CACNB2: variants seen among roughly 807,000 people sequenced by gnomAD.
The protein encoded by CACNB2 is calcium voltage-gated channel auxiliary subunit beta 2.
CACNB2 carries 42 observed loss-of-function variants against 73.3 expected under a neutral mutation model. The ratio of observed to expected loss-of-function variants is 0.57; its 90% CI spans 0.45 to 0.74. The LOEUF is 0.74. CACNB2 is among the 30% of genes least tolerant of loss of function. The probability of loss-of-function intolerance (pLI) is 0.00; values close to 1 mark genes in which losing one functional copy is unlikely to be tolerated. For missense variants in CACNB2, 940 were observed against 853.0 expected (o/e 1.10, Z -1.27); for synonymous variants, 348 against 310.3 (o/e 1.12, Z -1.28).
chr10:18,504,698 G>A lies in CACNB2; in HGVS notation c.594-1773G>A, dbSNP rs551767502. Reference sequence around the variant, plus strand: ...CTCGCTCTGTCACCCAGGCTGGAGTGCAGTGGCGCAGTCTCGACTCACTGC... The same window carrying A: ...CTCGCTCTGTCACCCAGGCTGGAGTACAGTGGCGCAGTCTCGACTCACTGC... On this transcript the variant is annotated intron_variant, in intron 5 of 13. Transcript: ENST00000324631. 4.6e-5 allele frequency among the ~76,000 whole-genome samples: 7 copies of A among 151,818 alleles called. No homozygotes were observed. In the South Asian group the frequency reaches 1.5e-3, roughly 31 times the overall value.
chr10:18,184,162 C>T (rs1435729840), intron 2 of CACNB2, among the ~76,000 whole-genome samples: 1 of 152,100 alleles, frequency 6.6e-6, no homozygotes, highest in Non-Finnish European at 1.5e-5. Context: ...AATGCCAGAC[C>T]TATGGTAGAT....
In CACNB2 at chr10:18,442,997, T is replaced by TAC. The variant is rs2046534669; in HGVS notation, c.333+40954_333+40955insAC. ...GTATATATATATATGTATATATATATGTGTATATATATATATGTATATATA... is the reference window on the plus strand; with the variant it reads ...GTATATATATATATGTATATATATATACGTGTATATATATATATGTATATATA... On this transcript the variant is annotated intron_variant, in intron 3 of 13. Transcript: ENST00000324631. Among the ~76,000 whole-genome samples, 13 of 11,748 alleles carry TAC rather than the reference T, an allele frequency of 1.1e-3. 1 individual carries two copies. Among genetic ancestry groups the TAC allele is most frequent in the Non-Finnish European group, 1.6e-3 (11 of 6,808 alleles). 7.7% of individuals were successfully genotyped at this position (11,748 alleles called of 152,430 possible).
chr10:18,204,692 T>A (rs893006567), intron 2 of CACNB2, among the ~76,000 whole-genome samples: 73 of 152,336 alleles, frequency 4.8e-4, no homozygotes, highest in African/African-American at 1.8e-3. Context: ...TGTGTTAAGC[T>A]CTGCGAGGGC....
chr10:18,228,455 A>AAAAG (rs2036099681), intron 2 of CACNB2, among the ~76,000 whole-genome samples: 1 of 150,016 alleles, frequency 6.7e-6, no homozygotes, highest in African/African-American at 2.5e-5. Flanking sequence ...AAAAAGAAAA[A>AAAAG]AAAAAAGAAA....
chr10:18,307,910 T>C (rs967497363), intron 2 of CACNB2, among the ~76,000 whole-genome samples: 2 of 151,626 alleles, frequency 1.3e-5, no homozygotes, highest in South Asian at 2.1e-4. Flanking sequence ...GCGAGTAGCA[T>C]GTGTGTATTA....
chr10:18,269,517 A>C (rs1429610919), intron 2 of CACNB2, among the ~76,000 whole-genome samples: 1 of 152,260 alleles, frequency 6.6e-6, no homozygotes, highest in Non-Finnish European at 1.5e-5. Context: ...AGGAATGCTC[A>C]AAAGAAAGAA....
chr10:18,215,202 T>G (rs888349583), intron 2 of CACNB2, among the ~76,000 whole-genome samples: 9 of 152,294 alleles, frequency 5.9e-5, no homozygotes, highest in African/African-American at 2.2e-4. Context: ...GAAGACAGTG[T>G]GTTTATTTCA....
intron 2 of CACNB2, among the ~76,000 whole-genome samples, chr10:18,382,379 A>T (rs1331307214): frequency 6.6e-6 from 1 of 150,490 alleles, no homozygotes. Context: ...TTTTTTTAAA[A>T]TTTTTTATTT....
chr10:18,523,897 A>G (rs893654485), intron 9 of CACNB2, among the ~76,000 whole-genome samples: 1 of 152,250 alleles, frequency 6.6e-6, no homozygotes, highest in Non-Finnish European at 1.5e-5. Context: ...GTTATGCGAA[A>G]GGTTCTAGGT....
intron 3 of CACNB2, among the ~76,000 whole-genome samples, chr10:18,404,516 C>T (rs1407296995): frequency 6.6e-6 from 1 of 152,176 alleles, no homozygotes; most frequent in Non-Finnish European, 1.5e-5. Flanking sequence ...AAACACTTTG[C>T]ACAGCCATTT....
At chr10:18,536,029 G>A (rs2053538246) in intron 11 of CACNB2, 72 bp from the exon 12 acceptor site, 6 of 865,600 alleles carry the variant, frequency 6.9e-6, no homozygotes, top group Non-Finnish European at 7.8e-6. Context: ...CCAGAGAAAG[G>A]AGTCAATAAT....
At chr10:18,227,420 C>G (rs1210592152) in intron 2 of CACNB2, among the ~76,000 whole-genome samples, 1 of 151,952 alleles carries the variant, frequency 6.6e-6, no homozygotes, top group Non-Finnish European at 1.5e-5. Flanking sequence ...AAAAAAAATA[C>G]CCCAGCTCGG....
At chr10:18,435,042 T>A (rs944228563) in intron 3 of CACNB2, among the ~76,000 whole-genome samples, 6 of 152,124 alleles carry the variant, frequency 3.9e-5, no homozygotes, top group Non-Finnish European at 8.8e-5. Flanking sequence ...AACTGGAAAG[T>A]CTCTGGTCTG....
At chr10:18,175,572 C>G (rs2033538172) in intron 2 of CACNB2, among the ~76,000 whole-genome samples, 1 of 152,080 alleles carries the variant, frequency 6.6e-6, no homozygotes, top group African/African-American at 2.4e-5. Flanking sequence ...ATACAGGGCT[C>G]CAGTCTTCCG....
chr10:18,266,099 T>G lies in CACNB2; in HGVS notation c.213+115124T>G, dbSNP rs75234644. On this transcript the variant is annotated intron_variant, in intron 2 of 13. Transcript: ENST00000324631. ...GCAATTCGGTACTCTAGTTAAATTC[T>G]GATTGTTCCAACGCACATTTACATA... Among the ~76,000 whole-genome samples, 573 of 152,354 alleles carry G rather than the reference T, an allele frequency of 3.8e-3. 2 individuals are homozygous for G. Among genetic ancestry groups the G allele is most frequent in the African/African-American group, 0.013 (547 of 41,580 alleles).
chr10:18,532,037 A>G (rs1173819543), intron 10 of CACNB2: 1 of 152,150 alleles, frequency 6.6e-6, no homozygotes, highest in Non-Finnish European at 1.5e-5. Context: ...TATTAGAGTA[A>G]ATTCTGAGCA....
intron 2 of CACNB2, among the ~76,000 whole-genome samples, chr10:18,372,776 T>C (rs2042642409): frequency 6.6e-6 from 1 of 152,202 alleles, no homozygotes; most frequent in African/African-American, 2.4e-5. Context: ...TTATTTAAAC[T>C]ATCTGCACTT....
intron 2 of CACNB2, among the ~76,000 whole-genome samples, chr10:18,272,152 C>A (rs1266003559): frequency 6.6e-6 from 1 of 151,856 alleles, no homozygotes; most frequent in Non-Finnish European, 1.5e-5. Flanking sequence ...TTCTTTGGAG[C>A]AGATATGATA....
At chr10:18,233,977 C>G (rs1042925432) in intron 2 of CACNB2, among the ~76,000 whole-genome samples, 1 of 152,174 alleles carries the variant, frequency 6.6e-6, no homozygotes, top group African/African-American at 2.4e-5. Context: ...TGTTGCAAAC[C>G]TAAGACTGCA....
Sources: gnomAD v4.1 joint callset for allele counts (sites outside exome capture counted in the v4.1 genomes callset) on GRCh38, gnomAD v4.1.1 for gene constraint, MANE v1.5 for transcripts, NCBI Gene and HGNC (gene_info 2026-07-23, HGNC 2026-07-21) for gene names.